MSTN: variants seen among roughly 807,000 people sequenced by gnomAD.
MSTN encodes the protein myostatin, also known as growth/differentiation factor 8.
In MSTN, 12 loss-of-function variants were observed where a neutral mutation model predicts 32.3. That is an observed-to-expected ratio of 0.37 (90% CI 0.24 to 0.60). The LOEUF (loss-of-function observed/expected upper bound fraction) is 0.60. MSTN is among the 20% of genes least tolerant of loss of function. The pLI is 0.67. For missense variants in MSTN, 403 were observed against 450.3 expected (o/e 0.89, Z 0.95); for synonymous variants, 168 against 155.1 (o/e 1.08, Z -0.62).
rs754970235 is a variant in MSTN, at chr2:190,057,573, G to A, written c.813C>T (p.Asp271=). The A allele has an allele frequency of 6.2e-7, 1 of 1,613,518 alleles. No homozygotes were observed. The highest frequency in any genetic ancestry group is 8.5e-7 in the Non-Finnish European group (1 of 1,179,572). ...GTGATTCTGTTGAGTGCTCATCACA[G>A]TCAAGACCAAAATCCCTTCTGGATC... ...PKRSRRDFGL[D]CDEHSTESRC... is the part of the protein sequence containing the mutation. Residue 271 remains aspartate, a synonymous_variant, in exon 3 of 3, where the codon GAC becomes GAT. Transcript: ENST00000260950.
rs1241336527 is a variant in MSTN, at chr2:190,060,337, T to G, written c.472A>C (p.Ile158Leu). 6.2e-6 allele frequency: 10 copies of G among 1,612,600 alleles called. No homozygotes were observed. In the Admixed American group the frequency reaches 1.3e-4, roughly 22 times the overall value. Residue 158 changes from isoleucine to leucine, a missense_variant, in exon 2 of 3, where the codon ATA becomes CTA. Transcript: ENST00000260950. ...GGAGTCTCGACGGGTCTCAAATATA[T>G]CCATAGTTGGGCCTTTACTACTTTA... Reference protein sequence around the residue: ...YNKVVKAQLWIYLRPVETPTT... With the variant: ...YNKVVKAQLWLYLRPVETPTT...
rs1444614625 is a variant in MSTN at position 190,062,516 on chromosome 2, A to T, written c.81T>A (p.Ser27Arg). Residue 27 changes from serine to arginine, a missense_variant, in exon 1 of 3, where the codon AGT becomes AGA. Ser to Arg is a moderately radical substitution (Grantham distance 110, BLOSUM62 -1). Transcript: ENST00000260950. ...VAGPVDLNEN[S>R]EQKENVEKEG... ...CTTTTTCCACATTTTCTTTTTGCTC[A>T]CTGTTCTCATTTAGATCCACTGGAC... 3 of 1,613,302 alleles carry T rather than the reference A, an allele frequency of 1.9e-6. No homozygotes were observed. The highest frequency in any genetic ancestry group is 2.2e-5 in the East Asian group (1 of 44,888).
chr2:190,061,703 CAAAATT>C (rs1685599442), intron 1 of MSTN, among the ~76,000 whole-genome samples: 2 of 151,906 alleles, frequency 1.3e-5, no homozygotes, highest in Non-Finnish European at 1.5e-5. Context: ...TAATAGCTCT[CAAAATT>C]AAATTTTTAA....
rs771302281 is a variant in MSTN, at chr2:190,057,498, A to T, written c.888T>A (p.Asp296Glu). The T allele has an allele frequency of 8.7e-6, 14 of 1,613,548 alleles. No homozygotes were observed. The highest frequency in any genetic ancestry group is 8.5e-6 in the Non-Finnish European group (10 of 1,179,586). ...LTVDFEAFGW[D>E]WIIAPKRYKA... ...TATATCTTTTAGGAGCGATAATCCA[A>T]TCCCATCCAAAAGCTTCAAAATCCA... Residue 296 changes from aspartate (D) to glutamate (E), a missense_variant, in exon 3 of 3, where the codon GAT becomes GAA. Transcript: ENST00000260950.
rs1805086 is a variant in MSTN at position 190,060,351 on chromosome 2, T to C, written c.458A>G (p.Lys153Arg). The C allele has an allele frequency of 0.025, 39,524 of 1,612,488 alleles. 1,911 individuals carry two copies. Among genetic ancestry groups the C allele is most frequent in the African/African-American group, 0.2 (15,288 of 74,874 alleles). Residue 153 changes from lysine to arginine, a missense_variant, in exon 2 of 3, where the codon AAG becomes AGG. Physicochemically the swap from Lys to Arg is conservative, Grantham distance 26. Coordinates refer to ENST00000260950, the MANE Select transcript of MSTN (RefSeq NM_005259.3). Reference sequence around the variant, plus strand: ...TCTCAAATATATCCATAGTTGGGCCTTTACTACTTTATTGTATTGTATTTT... The same window carrying C: ...TCTCAAATATATCCATAGTTGGGCCCTTACTACTTTATTGTATTGTATTTT... Reference protein sequence around the residue: ...SSKIQYNKVVKAQLWIYLRPV... With the variant: ...SSKIQYNKVVRAQLWIYLRPV...
chr2:190,061,808 C>T (rs550802707), intron 1 of MSTN, among the ~76,000 whole-genome samples: 1 of 150,786 alleles, frequency 6.6e-6, no homozygotes, highest in African/African-American at 2.4e-5. Context: ...CTTAAACATC[C>T]AGCAAGTTTC....
chr2:190,061,170 T>C (rs529168466), intron 1 of MSTN, among the ~76,000 whole-genome samples: 1 of 152,154 alleles, frequency 6.6e-6, no homozygotes, highest in East Asian at 1.9e-4. Flanking sequence ...GAGTCTTAAA[T>C]GGAAATTCTT....
chr2:190,060,058 T>C lies in MSTN; in HGVS notation c.747+4A>G. 1 of 1,611,462 alleles carries C rather than the reference T, an allele frequency of 6.2e-7. No individual in the cohort carries two copies. Among genetic ancestry groups the C allele is most frequent in the Non-Finnish European group, 8.5e-7 (1 of 1,178,188 alleles). ...TTATAATGTTATTTTCAGTTATCAC[T>C]TACCAGCCCATCTTCTCCTGGTCCT... On this transcript the variant is annotated splice_donor_region_variant and intron_variant, in intron 2 of 2. Transcript: ENST00000260950.
In MSTN at chr2:190,060,106, G is replaced by T; in HGVS notation, c.703C>A (p.His235Asn). ...CCTGGGAAGGTTACAGCAAGATCATGACCATTCTCATCTAAAGCTTTTATT... is the reference window on the plus strand; with the variant it reads ...CCTGGGAAGGTTACAGCAAGATCATTACCATTCTCATCTAAAGCTTTTATT... ...IEIKALDENG[H>N]DLAVTFPGPG... Residue 235 changes from histidine to asparagine, a missense_variant, in exon 2 of 3, where the codon CAT becomes AAT. Transcript: ENST00000260950. 2 of 1,612,668 alleles carry T rather than the reference G, an allele frequency of 1.2e-6. No individual in the cohort carries two copies. The highest frequency in any genetic ancestry group is 2.2e-5 in the South Asian group (2 of 90,974).
At position 190,062,573 on chromosome 2, in the gene MSTN, A is replaced by T. The variant is rs780079197; in HGVS notation, c.24T>A (p.Val8=). Residue 8 remains valine, a synonymous_variant, in exon 1 of 3, where the codon GTT becomes GTA. Coordinates refer to ENST00000260950, the MANE Select transcript of MSTN (RefSeq NM_005259.3). ...CAATCAGCATAAACAGGTAAATATAAACACAGAGTTGCAGTTTTTGCATGA... is the reference window on the plus strand; with the variant it reads ...CAATCAGCATAAACAGGTAAATATATACACAGAGTTGCAGTTTTTGCATGA... The part of the protein sequence containing the change: MQKLQLC[V]YIYLFMLIVA... 1.2e-6 allele frequency: 2 copies of T among 1,612,508 alleles called. No homozygotes were observed. The highest frequency in any genetic ancestry group is 4.5e-5 in the East Asian group (2 of 44,864).
Position 190,057,090 on chromosome 2 carries a change from C to A in MSTN, c.*168G>T. 2 of 672,766 alleles carry A rather than the reference C, an allele frequency of 3.0e-6. No individual in the cohort carries two copies. Among genetic ancestry groups the A allele is most frequent in the South Asian group, 4.2e-5 (2 of 47,706 alleles). The allele number at this position is 672,766 out of a possible 1,614,324, so 41.7% of individuals were successfully genotyped here. On this transcript the variant is annotated 3_prime_UTR_variant, in exon 3 of 3. Coordinates refer to ENST00000260950, the MANE Select transcript of MSTN (RefSeq NM_005259.3). ...TATGATTTGTTTGGATGGTTAAATG[C>A]CAACCATTGCATATATTCCCCCTTT...
In MSTN at chr2:190,057,471, C is replaced by G. The variant is rs770893080; in HGVS notation, c.915G>C (p.Lys305Asn). 17 of 1,613,562 alleles carry G rather than the reference C, an allele frequency of 1.1e-5. No individual in the cohort carries two copies. The highest frequency in any genetic ancestry group is 1.4e-5 in the Non-Finnish European group (17 of 1,179,592). ...WDWIIAPKRY[K>N]ANYCSGECEF... ...CACACTCTCCAGAGCAGTAATTGGC[C>G]TTATATCTTTTAGGAGCGATAATCC... is the stretch of plus-strand genomic sequence containing the variant. The change falls in exon 3 of 3, where the codon AAG becomes AAC. Residue 305 changes from lysine (K) to asparagine (N), a missense_variant. Coordinates refer to ENST00000260950, the MANE Select transcript of MSTN (RefSeq NM_005259.3).
intron 1 of MSTN, 126 bp downstream of exon 1, chr2:190,062,098 C>CT (rs1290742238): frequency 3.1e-6 from 3 of 978,462 alleles, no homozygotes; most frequent in Non-Finnish European, 4.6e-6. Flanking sequence ...AAGAGAAACT[C>CT]TTTTCCTTTC....
intron 2 of MSTN, among the ~76,000 whole-genome samples, chr2:190,058,630 TAAAG>T (rs1410629789): frequency 4.0e-5 from 6 of 151,798 alleles, no homozygotes; most frequent in Admixed American, 3.3e-4. Context: ...GATGAATGGA[TAAAG>T]AAAATGTGGT....
At chr2:190,060,015 A>C in intron 2 of MSTN, 47 bp downstream of exon 2, 1 of 1,570,188 alleles carries the variant, frequency 6.4e-7, no homozygotes, top group African/African-American at 1.4e-5. Context: ...TCATATTATG[A>C]ATAAAAACAT....
chr2:190,060,304 CTG>C lies in MSTN; in HGVS notation c.503_504del (p.Thr168SerfsTer27). ...IYLRPVETPT[T>X]VFVQILRLIK... is the part of the protein sequence containing the mutation. ...ATGAGTCTCAGGATTTGCACAAACA[CTG>C]TTGTAGGAGTCTCGACGGGTCTCAA... is the stretch of plus-strand genomic sequence containing the variant. On this transcript the variant is annotated frameshift_variant, in exon 2 of 3. Coordinates refer to ENST00000260950, the MANE Select transcript of MSTN (RefSeq NM_005259.3). LOFTEE classifies it high-confidence loss of function. The C allele has an allele frequency of 6.2e-7, 1 of 1,613,088 alleles. No individual in the cohort carries two copies. Among genetic ancestry groups the C allele is most frequent in the Non-Finnish European group, 8.5e-7 (1 of 1,179,296 alleles).
intron 2 of MSTN, among the ~76,000 whole-genome samples, chr2:190,058,624 A>G (rs1481387625): frequency 6.6e-6 from 1 of 152,008 alleles, no homozygotes; most frequent in Non-Finnish European, 1.5e-5. Context: ...TCAGCGGATG[A>G]ATGGATAAAG....
chr2:190,057,730 T>C (rs1359753554), intron 2 of MSTN, 92 bp from the exon 3 acceptor site: 2 of 1,395,116 alleles, frequency 1.4e-6, no homozygotes, highest in African/African-American at 2.9e-5. Flanking sequence ...AGTAATAAAC[T>C]AATAATTTTG....
rs1271593255 is a variant in MSTN at position 190,060,178 on chromosome 2, C to G, written c.631G>C (p.Val211Leu). 1 of 1,612,926 alleles carries G rather than the reference C, an allele frequency of 6.2e-7. No individual in the cohort carries two copies. Among genetic ancestry groups the G allele is most frequent in the Non-Finnish European group, 8.5e-7 (1 of 1,179,286 alleles). The change falls in exon 2 of 3, where the codon GTG (valine) becomes CTG (leucine). Residue 211 changes from valine (V) to leucine (L), a missense_variant. Coordinates refer to ENST00000260950, the MANE Select transcript of MSTN (RefSeq NM_005259.3). ...GGTTGTTTGAGCCAATTTTGCAACA[C>G]TGTCTTCACATCAATGCTCTGCCAA... Reference protein sequence around the residue: ...GIWQSIDVKTVLQNWLKQPES... With the variant: ...GIWQSIDVKTLLQNWLKQPES...
Sources: gnomAD v4.1 joint callset for allele counts (sites outside exome capture counted in the v4.1 genomes callset) on GRCh38, gnomAD v4.1.1 for gene constraint, MANE v1.5 for transcripts, NCBI Gene and HGNC (gene_info 2026-07-23, HGNC 2026-07-21) for gene names.